The following EPS15 variants were observed in gnomAD, a reference collection of about 807,000 sequenced individuals.
EPS15 encodes the protein epidermal growth factor receptor substrate 15.
EPS15 carries 72 observed loss-of-function variants against 113.8 expected under a neutral mutation model. The observed-to-expected ratio is 0.63, with a 90% confidence interval of 0.52 to 0.77. The LOEUF (loss-of-function observed/expected upper bound fraction) is 0.77, where lower values mean the gene tolerates loss of function less well. Among genes scored for constraint, EPS15 ranks in the 30% least tolerant of loss-of-function variants. The pLI is 0.00. For synonymous variants in EPS15, 344 were observed against 363.4 expected, an observed-to-expected ratio of 0.95 and a Z score of 0.61; for missense variants, 1,048 against 1,045.8, an observed-to-expected ratio of 1.00 and a Z score of -0.03.
chr1:51,428,486 C>T (rs1303178034), intron 12 of EPS15, among the ~76,000 whole-genome samples: 2 of 149,466 alleles, frequency 1.3e-5, no homozygotes, highest in East Asian at 3.9e-4. Flanking sequence ...ACATCAATAA[C>T]ATAACAGGGG....
chr1:51,366,001 C>A lies in EPS15; in HGVS notation c.2148G>T (p.Gly716=). Residue 716 remains glycine (G), a synonymous_variant, in exon 22 of 25, where the codon GGG becomes GGT. Transcript: ENST00000371733. ...SATDPFASVF[G]NESFGGGFAD... is the part of the protein sequence containing the mutation. ...CAAATCCACCTCCAAATGATTCATT[C>A]CCAAAAACAGAAGCAAAGGGGTCTG... 1 of 1,612,938 alleles carries A rather than the reference C, an allele frequency of 6.2e-7. No individual in the cohort carries two copies. Among genetic ancestry groups the A allele is most frequent in the East Asian group, 2.2e-5 (1 of 44,840 alleles).
At chr1:51,398,979 C>T (rs1415539158) in intron 20 of EPS15, 53 bp downstream of exon 20, 2 of 1,512,122 alleles carry the variant, frequency 1.3e-6, no homozygotes, top group East Asian at 4.6e-5. Flanking sequence ...AAGAAACTTG[C>T]TTAGGACACT....
chr1:51,359,908 C>T (rs998565056), intron 24 of EPS15, among the ~76,000 whole-genome samples: 3 of 146,548 alleles, frequency 2.0e-5, no homozygotes, highest in Non-Finnish European at 4.5e-5. Flanking sequence ...CATGCAGATT[C>T]TTTTTTTTTT....
chr1:51,490,923 T>G (rs2148536745), intron 1 of EPS15, among the ~76,000 whole-genome samples: 1 of 152,284 alleles, frequency 6.6e-6, no homozygotes, highest in East Asian at 1.9e-4. Context: ...GCTATTGCTG[T>G]AGTTATGTAA....
intron 1 of EPS15, among the ~76,000 whole-genome samples, chr1:51,498,948 G>C (rs966835495): frequency 6.6e-6 from 1 of 152,102 alleles, no homozygotes; most frequent in African/African-American, 2.4e-5. Flanking sequence ...ATTTAGGTAC[G>C]TATCAAAGAG....
chr1:51,401,225 G>A, intron 18 of EPS15: 1 of 280,734 alleles, frequency 3.6e-6, no homozygotes, highest in Non-Finnish European at 6.6e-6. Flanking sequence ...GTACTGGGAG[G>A]GTATTATCAT....
intron 21 of EPS15, among the ~76,000 whole-genome samples, chr1:51,385,718 T>C (rs1425979945): frequency 1.3e-5 from 2 of 152,102 alleles, no homozygotes; most frequent in African/African-American, 4.8e-5. Context: ...TATTATCAAG[T>C]CTGAAAAAGG....
chr1:51,375,470 C>T (rs373050638), intron 21 of EPS15, among the ~76,000 whole-genome samples: 1 of 152,218 alleles, frequency 6.6e-6, no homozygotes, highest in African/African-American at 2.4e-5. Flanking sequence ...GGAATTCTAC[C>T]TAGTGGAAGA....
chr1:51,476,633 C>CT (rs1160382755), intron 2 of EPS15, among the ~76,000 whole-genome samples: 3 of 152,050 alleles, frequency 2.0e-5, no homozygotes, highest in African/African-American at 7.2e-5. Context: ...TTTTGTTGAT[C>CT]TTTTCAAAAA....
chr1:51,367,536 G>C (rs190367952), intron 21 of EPS15, among the ~76,000 whole-genome samples: 3 of 152,252 alleles, frequency 2.0e-5, no homozygotes, highest in Admixed American at 2.0e-4. Context: ...CTGGGCGACA[G>C]AGCGTGTCTG....
chr1:51,400,418 C>T (rs944126215), intron 19 of EPS15, among the ~76,000 whole-genome samples: 1 of 152,088 alleles, frequency 6.6e-6, no homozygotes. Context: ...CTATCGGGCA[C>T]AGTCGCTCAC....
At chr1:51,489,286 CATATATAT>C (rs71063034) in intron 1 of EPS15, among the ~76,000 whole-genome samples, 5 of 141,736 alleles carry the variant, frequency 3.5e-5, no homozygotes, top group African/African-American at 1.3e-4. Context: ...CCTAGTATAC[CATATATAT>C]ATATATATAT....
chr1:51,479,389 T>G (rs1449083224), intron 2 of EPS15, among the ~76,000 whole-genome samples: 1 of 152,222 alleles, frequency 6.6e-6, no homozygotes, highest in Non-Finnish European at 1.5e-5. Flanking sequence ...TTCTTTGCAA[T>G]GGGTTCGAAC....
chr1:51,404,932 T>A (rs1050631458), intron 16 of EPS15, among the ~76,000 whole-genome samples: 1 of 152,204 alleles, frequency 6.6e-6, no homozygotes, highest in Non-Finnish European at 1.5e-5. Flanking sequence ...CAATACCCTC[T>A]CCACCATCAC....
intron 1 of EPS15, among the ~76,000 whole-genome samples, chr1:51,516,556 G>A (rs556764520): frequency 6.6e-6 from 1 of 152,218 alleles, no homozygotes; most frequent in East Asian, 1.9e-4. Flanking sequence ...AATTTATTTT[G>A]GTGGCTGGGG....
At chr1:51,427,992 CT>C (rs1651370166) in intron 12 of EPS15, among the ~76,000 whole-genome samples, 1 of 152,048 alleles carries the variant, frequency 6.6e-6, no homozygotes, top group South Asian at 2.1e-4. Flanking sequence ...AGAAAAGCAA[CT>C]TGTCAATTTG....
chr1:51,493,682 G>A (rs1484523645), intron 1 of EPS15, among the ~76,000 whole-genome samples: 1 of 151,012 alleles, frequency 6.6e-6, no homozygotes, highest in Non-Finnish European at 1.5e-5. Context: ...GCAATGGCAC[G>A]ATCTCGGCTC....
intron 24 of EPS15, 38 bp from the exon 25 acceptor site, chr1:51,356,884 A>G: frequency 6.3e-7 from 1 of 1,576,986 alleles, no homozygotes; most frequent in Non-Finnish European, 8.6e-7. Context: ...CGAATAAATA[A>G]ATGAGTAAAG....
intron 1 of EPS15, among the ~76,000 whole-genome samples, chr1:51,503,591 G>A (rs567264097): frequency 6.6e-5 from 10 of 152,178 alleles, no homozygotes; most frequent in South Asian, 2.1e-4. Context: ...GCAATGAGCC[G>A]AGTTTGCACC....
Sources: allele counts gnomAD v4.1 joint callset (sites outside exome capture counted in the v4.1 genomes callset), GRCh38; gene constraint gnomAD v4.1.1; transcripts MANE v1.5; gene names NCBI Gene and HGNC (gene_info 2026-07-23, HGNC 2026-07-21).